The following USF3 variants were observed in gnomAD, a reference collection of about 807,000 sequenced individuals.
USF3 encodes the protein upstream transcription factor family member 3.
Under a neutral mutation model 157.5 loss-of-function variants are expected in USF3, and 29 were observed. That is an observed-to-expected ratio of 0.18 (90% CI 0.14 to 0.25). The LOEUF (loss-of-function observed/expected upper bound fraction) is 0.25. Among genes scored for constraint, USF3 ranks in the 10% least tolerant of loss-of-function variants. USF3 has a pLI of 1.00. For synonymous variants in USF3, 893 were observed against 941.4 expected (o/e 0.95, Z 0.94); for missense variants, 2,381 against 2,667.6 (o/e 0.89, Z 2.37).
chr3:113,680,046 T>C (rs1032319591), intron 1 of USF3, among the ~76,000 whole-genome samples: 2 of 146,550 alleles, frequency 1.4e-5, no homozygotes, highest in Admixed American at 6.9e-5. Context: ...TATTGGCCTG[T>C]AGTTTTCTTT....
At position 113,657,759 on chromosome 3, in the gene USF3, G is replaced by T. The variant is rs754038552; in HGVS notation, c.3923C>A (p.Pro1308Gln). 3.7e-6 allele frequency: 6 copies of T among 1,613,920 alleles called. No homozygotes were observed. The highest frequency in any genetic ancestry group is 1.3e-5 in the African/African-American group (1 of 74,884). The part of the protein sequence containing the change: ...EQLNTMTSTI[P>Q]NSQIQEPLLK... ...GAGTGGCTCTTGAATCTGTGAATTT[G>T]GTATGGTACTAGTCATAGTATTTAG... Residue 1308 changes from proline (P) to glutamine (Q), a missense_variant, in exon 7 of 7, where the codon CCA becomes CAA. Around this residue, in one of 6 missense-constraint regions of USF3, gnomAD observed 1,435 missense variants for 1,550.9 expected, o/e 0.93. Transcript: ENST00000316407.
chr3:113,650,917 T>C lies in USF3; in HGVS notation c.*4027A>G, dbSNP rs1947249760. On this transcript the variant is annotated 3_prime_UTR_variant, in exon 7 of 7. Coordinates refer to ENST00000316407, the MANE Select transcript of USF3 (RefSeq NM_001009899.4). ...TTACCTAGAAAAAAGGTGCCATCTC[T>C]GGTACCGCAAAAGGTCTTACAATAA... The C allele has an allele frequency of 6.6e-6, 1 of 152,134 alleles. No homozygotes were observed. The highest frequency in any genetic ancestry group is 1.5e-5 in the Non-Finnish European group (1 of 68,034). The allele number at this position is 152,134 out of a possible 1,614,324, so 9.4% of individuals were successfully genotyped here.
intron 5 of USF3, among the ~76,000 whole-genome samples, chr3:113,669,581 G>T (rs1406654992): frequency 6.6e-6 from 1 of 151,200 alleles, no homozygotes; most frequent in Non-Finnish European, 1.5e-5. Flanking sequence ...GTTTTCAGTG[G>T]AGCATGCTTT....
rs1236067145 is a variant in USF3 at position 113,658,869 on chromosome 3, C to T, written c.2813G>A (p.Cys938Tyr). The T allele has an allele frequency of 6.2e-7, 1 of 1,614,186 alleles. No homozygotes were observed. The highest frequency in any genetic ancestry group is 1.1e-5 in the South Asian group (1 of 91,080). ...SLALSDAAKP[C>Y]ASANVLIPSP... is the part of the protein sequence containing the mutation. ...TGGAATCAATACATTGGCTGAAGCG[C>T]AGGGTTTGGCAGCATCTGATAATGC... The change falls in exon 7 of 7, where the codon TGC becomes TAC. Residue 938 changes from cysteine (C) to tyrosine (Y), a missense_variant. Physicochemically the swap from Cys to Tyr is radical, Grantham distance 194. This residue lies in a region of USF3 where 1,435 missense variants were observed against 1,550.9 expected (regional missense o/e 0.93). Coordinates refer to ENST00000316407, the MANE Select transcript of USF3 (RefSeq NM_001009899.4).
intron 5 of USF3, among the ~76,000 whole-genome samples, chr3:113,666,568 C>CT (rs775533373): frequency 0.017 from 1,867 of 109,110 alleles, 61 homozygotes; most frequent in East Asian, 0.073. Context: ...TTATTGTTTC[C>CT]TTTTTTTTTT....
chr3:113,684,228 T>C (rs1022976286), intron 1 of USF3, among the ~76,000 whole-genome samples: 1 of 152,218 alleles, frequency 6.6e-6, no homozygotes, highest in East Asian at 1.9e-4. Flanking sequence ...GCCAAACATA[T>C]TGGAAATGCT....
rs745934822 is a variant in USF3, at chr3:113,660,758, TGAG to T, written c.921_923del (p.Ser308del). ...CATGGTGCACTTTAGTGGCAGTTGC[TGAG>T]GAGCTGTGGGGGATGTTTGTAACAC... On this transcript the variant is annotated inframe_deletion, in exon 7 of 7. Transcript: ENST00000316407. 5.0e-6 allele frequency: 8 copies of T among 1,614,072 alleles called. No homozygotes were observed. The highest frequency in any genetic ancestry group is 3.4e-6 in the Non-Finnish European group (4 of 1,180,028).
chr3:113,658,291 C>G lies in USF3; in HGVS notation c.3391G>C (p.Asp1131His). 1 of 1,614,178 alleles carries G rather than the reference C, an allele frequency of 6.2e-7. No individual in the cohort carries two copies. Among genetic ancestry groups the G allele is most frequent in the African/African-American group, 1.3e-5 (1 of 75,056 alleles). The stretch of plus-strand genomic sequence containing the variant: ...GCTCTTGCTGCAAGAGCTACTATAT[C>G]AGTTTGCTCTACAAAGGTACAGCTG... Reference protein sequence around the residue: ...CDSCTFVEQTDIVALAARAIF... With the variant: ...CDSCTFVEQTHIVALAARAIF... The change falls in exon 7 of 7, where the codon GAT becomes CAT. Residue 1131 changes from aspartate (D) to histidine (H), a missense_variant. Transcript: ENST00000316407.
intron 6 of USF3, 74 bp downstream of exon 6, chr3:113,664,239 T>C (rs1947529413): frequency 5.3e-6 from 5 of 943,950 alleles, no homozygotes; most frequent in Non-Finnish European, 8.0e-6. Flanking sequence ...TATGTCATAA[T>C]ATAAATTTCA....
chr3:113,682,555 G>A (rs1418831043), intron 1 of USF3, among the ~76,000 whole-genome samples: 2 of 152,154 alleles, frequency 1.3e-5, no homozygotes, highest in Admixed American at 6.5e-5. Context: ...TGCTGAAAGT[G>A]AAGTGTTGAA....
chr3:113,684,151 T>C (rs1707497005), intron 1 of USF3, among the ~76,000 whole-genome samples: 1 of 152,218 alleles, frequency 6.6e-6, no homozygotes, highest in Non-Finnish European at 1.5e-5. Context: ...AGTCTTTTTC[T>C]TTCAGCATTT....
rs1577019842 is a variant in USF3, at chr3:113,649,508, T to C, written c.*5436A>G. ...GGAGTTTTGCTACTAGGTTTTTTTT[T>C]TGTTTTTTGTTTTTTTTTACAAATC... On this transcript the variant is annotated 3_prime_UTR_variant, in exon 7 of 7. Transcript: ENST00000316407. The C allele has an allele frequency of 3.9e-6, 1 of 255,576 alleles. No homozygotes were observed. The highest frequency in any genetic ancestry group is 6.9e-5 in the East Asian group (1 of 14,400). 15.8% of individuals were successfully genotyped at this position (255,576 alleles called of 1,614,324 possible). A position where few individuals can be genotyped will look rare whatever the true frequency, so the allele number is the denominator to read the frequency against.
chr3:113,695,036 C>A (rs1247790039), intron 1 of USF3, among the ~76,000 whole-genome samples: 1 of 152,096 alleles, frequency 6.6e-6, no homozygotes, highest in African/African-American at 2.4e-5. Context: ...CAGAGTGAGA[C>A]TCTGTCTCAA....
At position 113,691,546 on chromosome 3, in the gene USF3, C is replaced by G. The variant is rs545200126; in HGVS notation, c.-135+4824G>C. ...CATTCCTGAAATCTGATAGGACCAT[C>G]AAACACAGGCTCACCTCTGGGGTGG... is the stretch of plus-strand genomic sequence containing the variant. On this transcript the variant is annotated intron_variant, in intron 1 of 6. Transcript: ENST00000316407. Among the ~76,000 whole-genome samples, 47 of 152,300 alleles carry G rather than the reference C, an allele frequency of 3.1e-4. 1 individual carries two copies. Among genetic ancestry groups the G allele is most frequent in the Middle Eastern group, 6.8e-3 (2 of 294 alleles).
chr3:113,661,479 A>G (rs1423773246), intron 6 of USF3, 54 bp from the exon 7 acceptor site: 2 of 1,069,526 alleles, frequency 1.9e-6, no homozygotes, highest in South Asian at 1.7e-5. Context: ...AGTATTTACA[A>G]TAACTTGATA....
chr3:113,682,381 C>T (rs1191417541), intron 1 of USF3, among the ~76,000 whole-genome samples: 2 of 151,902 alleles, frequency 1.3e-5, no homozygotes, highest in Admixed American at 1.3e-4. Context: ...GCTTTGTGGC[C>T]TAACATAGGA....
At chr3:113,668,570 C>T (rs538373437) in intron 5 of USF3, among the ~76,000 whole-genome samples, 33 of 151,680 alleles carry the variant, frequency 2.2e-4, no homozygotes, top group Middle Eastern at 6.9e-3. Context: ...AAATACAAAC[C>T]TATTCAGTCA....
rs1559726047 is a variant in USF3, at chr3:113,689,034, A to AAAC, written c.-135+7335_-135+7336insGTT. Reference sequence around the variant, plus strand: ...CAACAGAGGGAGACTCCATCTCAAAAAAACAAACAAACAAACAAACAAACA... The same window carrying AAAC: ...CAACAGAGGGAGACTCCATCTCAAAAAACAAACAAACAAACAAACAAACAAACA... On this transcript the variant is annotated intron_variant, in intron 1 of 6. Coordinates refer to ENST00000316407, the MANE Select transcript of USF3 (RefSeq NM_001009899.4). 1.0e-4 allele frequency among the ~76,000 whole-genome samples: 15 copies of AAAC among 150,278 alleles called. 1 individual carries two copies. The highest frequency in any genetic ancestry group is 3.2e-4 in the African/African-American group (13 of 40,806).
At chr3:113,665,951 G>A (rs897182017) in intron 5 of USF3, among the ~76,000 whole-genome samples, 6 of 152,146 alleles carry the variant, frequency 3.9e-5, no homozygotes, top group Non-Finnish European at 8.8e-5. Context: ...TTGGGAAGCC[G>A]AGGTGGGCAG....
Sources: allele counts gnomAD v4.1 joint callset (sites outside exome capture counted in the v4.1 genomes callset), GRCh38; gene constraint gnomAD v4.1.1; regional missense constraint gnomAD v4.1.1; transcripts MANE v1.5; gene names NCBI Gene and HGNC (gene_info 2026-07-23, HGNC 2026-07-21).